The following SPOCK3 variants were observed in gnomAD, a reference collection of about 807,000 sequenced individuals.
The protein encoded by SPOCK3 is SPARC (osteonectin), cwcv and kazal like domains proteoglycan 3, also known as testican-3.
In SPOCK3, 30 loss-of-function variants were observed where a neutral mutation model predicts 56.6. The ratio of observed to expected loss-of-function variants is 0.53; its 90% CI spans 0.40 to 0.72. The LOEUF is 0.72. Ranked by LOEUF, SPOCK3 falls within the 30% of genes least tolerant of loss-of-function variation. The probability of loss-of-function intolerance (pLI) is 0.00; values close to 1 mark genes in which losing one functional copy is unlikely to be tolerated. For missense variants in SPOCK3, 527 were observed against 530.0 expected (o/e 0.99, Z 0.06); for synonymous variants, 196 against 183.3 (o/e 1.07, Z -0.56).
rs540417295 is a variant in SPOCK3, at chr4:167,004,362, C to T, written c.236-3899G>A. 2.0e-5 allele frequency among the ~76,000 whole-genome samples: 3 copies of T among 152,248 alleles called. No homozygotes were observed. In the East Asian group the frequency reaches 5.8e-4, roughly 29 times the overall value. ...AAAAATGTAGAAAAAGGATGCCCTA[C>T]TCATGGAATGGCAGATAGTTCAGGA... On this transcript the variant is annotated intron_variant, in intron 3 of 10. Coordinates refer to ENST00000357545, the MANE Select transcript of SPOCK3 (RefSeq NM_001040159.2).
intron 2 of SPOCK3, among the ~76,000 whole-genome samples, chr4:167,205,294 T>G (rs1733991066): frequency 6.2e-5 from 3 of 48,402 alleles, no homozygotes; most frequent in African/African-American, 2.2e-4. Context: ...ATATTTTATA[T>G]CTATAATATA....
intron 3 of SPOCK3, among the ~76,000 whole-genome samples, chr4:167,058,706 C>T (rs1333764921): frequency 6.6e-6 from 1 of 152,214 alleles, no homozygotes; most frequent in Admixed American, 6.5e-5. Flanking sequence ...AATCCTAAGC[C>T]AAATGAACAA....
intron 2 of SPOCK3, among the ~76,000 whole-genome samples, chr4:167,197,002 G>T (rs370460835): frequency 6.6e-6 from 1 of 152,052 alleles, no homozygotes; most frequent in Non-Finnish European, 1.5e-5. Context: ...CTTTATCAAG[G>T]TTTATTGTTG....
Position 166,755,018 on chromosome 4 carries a change from T to C in SPOCK3, c.710-289A>G, listed in dbSNP as rs145920835. Among the ~76,000 whole-genome samples the C allele has an allele frequency of 4.4e-3, 676 of 152,088 alleles. 4 individuals carry two copies. Among genetic ancestry groups the C allele is most frequent in the African/African-American group, 0.015 (642 of 41,540 alleles). ...TTATATATTATTTATATTACTTTAC[T>C]GATCAAGCTTCTTTGAATAAATAGT... On this transcript the variant is annotated intron_variant, in intron 7 of 10. Transcript: ENST00000357545.
intron 2 of SPOCK3, among the ~76,000 whole-genome samples, chr4:167,105,463 T>TAAAAAAA (rs552028589): frequency 4.1e-5 from 4 of 98,682 alleles, no homozygotes; most frequent in East Asian, 3.0e-4. Flanking sequence ...ACACAAAAAT[T>TAAAAAAA]AAAAAAAAAA....
rs369319736 is a variant in SPOCK3 at position 167,052,973 on chromosome 4, C to T, written c.235+9519G>A. Among the ~76,000 whole-genome samples the T allele has an allele frequency of 2.7e-4, 41 of 152,244 alleles. 2 individuals carry two copies. The highest frequency in any genetic ancestry group is 8.4e-4 in the African/African-American group (35 of 41,538). On this transcript the variant is annotated intron_variant, in intron 3 of 10. Transcript: ENST00000357545. Reference sequence around the variant, plus strand: ...ATAATTACACCCATAATACTATGAACAGCTCTGTTCACTGAAGGGAATAAA... The same window carrying T: ...ATAATTACACCCATAATACTATGAATAGCTCTGTTCACTGAAGGGAATAAA...
At chr4:166,802,724 C>T (rs1166537708) in intron 6 of SPOCK3, among the ~76,000 whole-genome samples, 2 of 151,912 alleles carry the variant, frequency 1.3e-5, no homozygotes, top group East Asian at 1.9e-4. Flanking sequence ...GAAGGTTAGC[C>T]TGGTAAATGA....
intron 6 of SPOCK3, among the ~76,000 whole-genome samples, chr4:166,848,947 C>G (rs1748386790): frequency 6.6e-6 from 1 of 152,098 alleles, no homozygotes; most frequent in South Asian, 2.1e-4. Flanking sequence ...CAATATTTAC[C>G]AACACCATGG....
chr4:167,147,816 G>A (rs1033893673), intron 2 of SPOCK3, among the ~76,000 whole-genome samples: 1 of 152,058 alleles, frequency 6.6e-6, no homozygotes, highest in Admixed American at 6.6e-5. Flanking sequence ...TCCGGAGGGT[G>A]GGGACTGGGG....
At chr4:166,830,355 GTTACT>G (rs933050193) in intron 6 of SPOCK3, among the ~76,000 whole-genome samples, 2 of 152,080 alleles carry the variant, frequency 1.3e-5, no homozygotes, top group African/African-American at 4.8e-5. Flanking sequence ...TTTAAAACTT[GTTACT>G]TTAAACATAT....
rs539176911 is a variant in SPOCK3, at chr4:166,912,474, C to T, written c.474+146G>A. On this transcript the variant is annotated intron_variant, in intron 5 of 10. Coordinates refer to ENST00000357545, the MANE Select transcript of SPOCK3 (RefSeq NM_001040159.2). ...TAGAAAAAACAAATGCACATTGAATCATATTCCAAACCAGTGAGATTATTA... is the reference window on the plus strand; with the variant it reads ...TAGAAAAAACAAATGCACATTGAATTATATTCCAAACCAGTGAGATTATTA... 9.2e-6 allele frequency: 8 copies of T among 870,518 alleles called. No individual in the cohort carries two copies. The South Asian group carries it at 1.5e-4, about 16-fold the overall frequency. 53.9% of individuals were successfully genotyped at this position (870,518 alleles called of 1,614,324 possible). A position where few individuals can be genotyped will look rare whatever the true frequency, so the allele number is the denominator to read the frequency against.
intron 6 of SPOCK3, among the ~76,000 whole-genome samples, chr4:166,852,891 TGCTGG>T (rs1730275238): frequency 1.3e-5 from 2 of 152,180 alleles, no homozygotes; most frequent in African/African-American, 2.4e-5. Context: ...TACATTTTAT[TGCTGG>T]TATTAAAATA....
intron 3 of SPOCK3, chr4:167,011,073 T>A (rs1485199568): frequency 3.7e-6 from 1 of 266,828 alleles, no homozygotes; most frequent in East Asian, 8.3e-5. Context: ...AACTCAATTA[T>A]ATCAAAACTC....
chr4:167,073,141 C>T (rs1418858850), intron 2 of SPOCK3, among the ~76,000 whole-genome samples: 8 of 151,486 alleles, frequency 5.3e-5, no homozygotes, highest in Non-Finnish European at 1.2e-4. Flanking sequence ...CATAATTTTA[C>T]ATTTGATATT....
intron 4 of SPOCK3, among the ~76,000 whole-genome samples, chr4:166,931,903 C>A (rs1212520386): frequency 6.6e-6 from 1 of 152,170 alleles, no homozygotes; most frequent in Admixed American, 6.5e-5. Flanking sequence ...TTCCCTATTA[C>A]TCTTGGTATT....
chr4:167,109,769 CAG>C (rs1456882845), intron 2 of SPOCK3, among the ~76,000 whole-genome samples: 1 of 150,576 alleles, frequency 6.6e-6, no homozygotes, highest in African/African-American at 2.4e-5. Context: ...AAAAAGAAAA[CAG>C]AGAAAAACCA....
chr4:166,771,323 C>G (rs1037630), intron 7 of SPOCK3, among the ~76,000 whole-genome samples: 1 of 151,616 alleles, frequency 6.6e-6, no homozygotes, highest in Non-Finnish European at 1.5e-5. Context: ...TTGTAACACA[C>G]TTTTGTTTAT....
intron 2 of SPOCK3, among the ~76,000 whole-genome samples, chr4:167,164,922 T>C (rs1019654174): frequency 2.6e-5 from 4 of 152,062 alleles, no homozygotes; most frequent in South Asian, 2.1e-4. Flanking sequence ...GTCTTTATAG[T>C]AGAATGATTT....
At chr4:166,958,073 C>A (rs1743703040) in intron 4 of SPOCK3, among the ~76,000 whole-genome samples, 1 of 152,094 alleles carries the variant, frequency 6.6e-6, no homozygotes, top group South Asian at 2.1e-4. Flanking sequence ...GAGATGTAAT[C>A]CCCTATGCTA....
Sources: allele counts gnomAD v4.1 joint callset (sites outside exome capture counted in the v4.1 genomes callset), GRCh38; gene constraint gnomAD v4.1.1; transcripts MANE v1.5; gene names NCBI Gene and HGNC (gene_info 2026-07-23, HGNC 2026-07-21).